NUBPL: variants seen among roughly 807,000 people sequenced by gnomAD.
NUBPL encodes the protein iron-sulfur cluster transfer protein NUBPL.
NUBPL carries 31 observed loss-of-function variants against 45.7 expected under a neutral mutation model. The ratio of observed to expected loss-of-function variants is 0.68; its 90% CI spans 0.51 to 0.92. The LOEUF (loss-of-function observed/expected upper bound fraction) is 0.92, where lower values mean the gene tolerates loss of function less well. Among genes scored for constraint, NUBPL ranks in the 40% least tolerant of loss-of-function variants. The pLI, the probability that NUBPL is intolerant of heterozygous loss-of-function variation, is 0.00. For missense variants in NUBPL, 401 were observed against 398.7 expected (o/e 1.01, Z -0.05); for synonymous variants, 144 against 140.9 (o/e 1.02, Z -0.15).
chr14:31,842,361 A>G (rs1162042985), intron 8 of NUBPL, among the ~76,000 whole-genome samples: 1 of 152,216 alleles, frequency 6.6e-6, no homozygotes, highest in Non-Finnish European at 1.5e-5. Flanking sequence ...TCTAGGAAGC[A>G]ATATTAGAAC....
intron 7 of NUBPL, among the ~76,000 whole-genome samples, chr14:31,806,883 G>A (rs1326517018): frequency 1.3e-5 from 2 of 152,252 alleles, no homozygotes; most frequent in African/African-American, 2.4e-5. Context: ...TTGGTTTTCT[G>A]TCCTTGTGAT....
At position 31,750,476 on chromosome 14, in the gene NUBPL, C is replaced by T. The variant is rs149744837; in HGVS notation, c.514-37304C>T. On this transcript the variant is annotated intron_variant, in intron 6 of 10. Transcript: ENST00000281081. ...CCTCCCAAAGTGCTGGGATTACAAG[C>T]GTGAGCCACCGCGCCTGGCCACAAT... 9.1e-3 allele frequency among the ~76,000 whole-genome samples: 1,377 copies of T among 151,672 alleles called. 13 individuals are homozygous for T. Among genetic ancestry groups the T allele is most frequent in the South Asian group, 0.019 (89 of 4,804 alleles).
At chr14:31,816,073 T>C (rs1307700061) in intron 7 of NUBPL, among the ~76,000 whole-genome samples, 6 of 152,310 alleles carry the variant, frequency 3.9e-5, no homozygotes, top group East Asian at 3.9e-4. Flanking sequence ...GAGGACTCCC[T>C]CTTTTTCAAT....
chr14:31,798,879 T>C (rs1025349858), intron 7 of NUBPL, among the ~76,000 whole-genome samples: 4 of 151,130 alleles, frequency 2.6e-5, no homozygotes, highest in Non-Finnish European at 4.4e-5. Context: ...TCTAATTCTC[T>C]CTCCTTACCT....
intron 4 of NUBPL, among the ~76,000 whole-genome samples, chr14:31,619,330 A>G (rs931570686): frequency 6.6e-6 from 1 of 152,250 alleles, no homozygotes; most frequent in African/African-American, 2.4e-5. Context: ...TGTCATTAGG[A>G]TGCTAGGTGG....
intron 6 of NUBPL, among the ~76,000 whole-genome samples, chr14:31,763,124 G>T (rs1169547778): frequency 6.6e-6 from 1 of 152,124 alleles, no homozygotes; most frequent in African/African-American, 2.4e-5. Flanking sequence ...GGAACAGTGG[G>T]GATGAAGGTT....
chr14:31,565,711 G>A (rs191526853), intron 3 of NUBPL, among the ~76,000 whole-genome samples: 1 of 152,114 alleles, frequency 6.6e-6, no homozygotes, highest in East Asian at 1.9e-4. Flanking sequence ...CTATGGTGGA[G>A]TTCTTAAATA....
chr14:31,567,381 C>T (rs909147911), intron 3 of NUBPL, among the ~76,000 whole-genome samples: 1 of 152,150 alleles, frequency 6.6e-6, no homozygotes, highest in Non-Finnish European at 1.5e-5. Flanking sequence ...AAAATTTCTT[C>T]TGCTCATTGA....
At chr14:31,582,457 AT>A (rs1162178444) in intron 3 of NUBPL, among the ~76,000 whole-genome samples, 3 of 147,870 alleles carry the variant, frequency 2.0e-5, no homozygotes, top group Non-Finnish European at 4.5e-5. Context: ...TTTCCAAAGG[AT>A]TAAGTTTCAA....
At chr14:31,648,164 A>G (rs2035906305) in intron 4 of NUBPL, among the ~76,000 whole-genome samples, 1 of 152,254 alleles carries the variant, frequency 6.6e-6, no homozygotes, top group African/African-American at 2.4e-5. Context: ...AAAAGGAGGC[A>G]GAGTCCAATC....
intron 4 of NUBPL, among the ~76,000 whole-genome samples, chr14:31,607,557 C>G (rs1207693724): frequency 6.6e-6 from 1 of 151,880 alleles, no homozygotes. Context: ...TAAAAAGATT[C>G]AAGCTGAAAT....
At chr14:31,800,348 C>G (rs181703607) in intron 7 of NUBPL, among the ~76,000 whole-genome samples, 12 of 152,270 alleles carry the variant, frequency 7.9e-5, no homozygotes, top group African/African-American at 2.6e-4. Context: ...AACATAATAT[C>G]GATTAGGATT....
intron 6 of NUBPL, among the ~76,000 whole-genome samples, chr14:31,750,181 T>TTAA (rs2038490759): frequency 1.8e-5 from 1 of 55,068 alleles, no homozygotes; most frequent in Non-Finnish European, 5.6e-5. Flanking sequence ...TATTATTATT[T>TTAA]TTTTTTTTTT....
intron 8 of NUBPL, among the ~76,000 whole-genome samples, chr14:31,829,700 C>T (rs760980787): frequency 6.6e-6 from 1 of 152,060 alleles, no homozygotes; most frequent in Non-Finnish European, 1.5e-5. Flanking sequence ...ACCATGGAAA[C>T]GATGATGTCA....
intron 2 of NUBPL, among the ~76,000 whole-genome samples, chr14:31,564,543 G>A (rs559131625): frequency 6.6e-6 from 1 of 151,288 alleles, no homozygotes; most frequent in South Asian, 2.1e-4. Context: ...GCTGGGTGTG[G>A]TGGTGCCCAC....
intron 7 of NUBPL, among the ~76,000 whole-genome samples, chr14:31,813,121 G>A (rs2039844949): frequency 6.6e-6 from 1 of 151,768 alleles, no homozygotes; most frequent in African/African-American, 2.4e-5. Flanking sequence ...CAAGTAGCTG[G>A]GACTACAGGC....
intron 7 of NUBPL, among the ~76,000 whole-genome samples, chr14:31,806,305 G>T (rs2039684493): frequency 6.6e-6 from 1 of 151,866 alleles, no homozygotes. Context: ...CCTCTCTGGA[G>T]TTTTTTTTAG....
At chr14:31,840,693 A>G (rs557116142) in intron 8 of NUBPL, among the ~76,000 whole-genome samples, 3 of 152,266 alleles carry the variant, frequency 2.0e-5, no homozygotes, top group African/African-American at 7.2e-5. Flanking sequence ...AATCTCACTT[A>G]TATGTGGAAT....
chr14:31,777,547 A>G (rs564671376), intron 6 of NUBPL, among the ~76,000 whole-genome samples: 37 of 152,320 alleles, frequency 2.4e-4, no homozygotes, highest in African/African-American at 8.2e-4. Context: ...TTTAAAGAGC[A>G]GCCAAATGCT....
Sources: gnomAD v4.1 joint callset for allele counts (sites outside exome capture counted in the v4.1 genomes callset) on GRCh38, gnomAD v4.1.1 for gene constraint, MANE v1.5 for transcripts, NCBI Gene and HGNC (gene_info 2026-07-23, HGNC 2026-07-21) for gene names.